PDE4D: variants seen among roughly 807,000 people sequenced by gnomAD.
PDE4D encodes the protein 3',5'-cyclic-AMP phosphodiesterase 4D.
PDE4D carries 24 observed loss-of-function variants against 87.4 expected under a neutral mutation model. That is an observed-to-expected ratio of 0.27 (90% CI 0.20 to 0.39). The LOEUF (loss-of-function observed/expected upper bound fraction) is 0.39. Ranked by LOEUF, PDE4D falls within the 10% of genes least tolerant of loss-of-function variation. The probability of loss-of-function intolerance (pLI) is 1.00; values close to 1 mark genes in which losing one functional copy is unlikely to be tolerated. For missense variants in PDE4D, 714 were observed against 1,041.0 expected (o/e 0.69, Z 4.32); for synonymous variants, 384 against 383.2 (o/e 1.00, Z -0.02).
intron 1 of PDE4D, among the ~76,000 whole-genome samples, chr5:59,637,011 C>G (rs148306423): frequency 6.6e-6 from 1 of 152,122 alleles, no homozygotes; most frequent in Non-Finnish European, 1.5e-5. Context: ...TGACAAAGGT[C>G]TAATATCCAG....
At chr5:59,460,279 A>C (rs1014748616) in intron 1 of PDE4D, among the ~76,000 whole-genome samples, 1 of 152,224 alleles carries the variant, frequency 6.6e-6, no homozygotes, top group African/African-American at 2.4e-5. Flanking sequence ...AAGTATAACA[A>C]ATTTTTAATG....
intron 1 of PDE4D, among the ~76,000 whole-genome samples, chr5:59,612,611 T>C (rs1268005007): frequency 6.6e-6 from 1 of 152,166 alleles, no homozygotes; most frequent in Non-Finnish European, 1.5e-5. Flanking sequence ...AAGGATTATA[T>C]GATAACAGTT....
chr5:60,290,616 C>T lies in PDE4D; in HGVS notation c.-89-104929G>A, dbSNP rs190544152. On this transcript the variant is annotated intron_variant, in intron 1 of 16. Transcript: ENST00000502484. ...CTTAGGAGTTTGAGACCAGCCTGGG[C>T]AACATAGTGAAATCCCATTTCCACT... Among the ~76,000 whole-genome samples the T allele has an allele frequency of 2.1e-3, 321 of 152,114 alleles. 1 individual carries two copies. Among genetic ancestry groups the T allele is most frequent in the Non-Finnish European group, 3.7e-3 (249 of 67,986 alleles).
At chr5:59,178,972 G>T (rs139461745) in intron 5 of PDE4D, among the ~76,000 whole-genome samples, 5 of 152,258 alleles carry the variant, frequency 3.3e-5, no homozygotes, top group African/African-American at 1.2e-4. Context: ...TTAGGAAAGT[G>T]CATAGAAACA....
chr5:60,138,200 T>C (rs989729568), intron 2 of PDE4D, among the ~76,000 whole-genome samples: 3 of 152,094 alleles, frequency 2.0e-5, no homozygotes, highest in Non-Finnish European at 4.4e-5. Flanking sequence ...CTGTAGCATG[T>C]AGTTTGAAGT....
At chr5:60,184,344 G>A (rs1333351666) in intron 2 of PDE4D, among the ~76,000 whole-genome samples, 1 of 151,960 alleles carries the variant, frequency 6.6e-6, no homozygotes, top group Non-Finnish European at 1.5e-5. Context: ...AGAAAACTCA[G>A]TAAGAGAAAG....
intron 1 of PDE4D, among the ~76,000 whole-genome samples, chr5:59,460,794 G>A (rs1321034268): frequency 6.6e-6 from 1 of 152,132 alleles, no homozygotes; most frequent in African/African-American, 2.4e-5. Context: ...AGGTTTATCT[G>A]TACCCCAACT....
chr5:59,938,438 G>T (rs1307831397), intron 3 of PDE4D, among the ~76,000 whole-genome samples: 3 of 152,224 alleles, frequency 2.0e-5, no homozygotes, highest in Non-Finnish European at 2.9e-5. Context: ...AACCAATACA[G>T]CCTGGAATTT....
intron 2 of PDE4D, among the ~76,000 whole-genome samples, chr5:60,086,834 C>T (rs1054297029): frequency 6.6e-6 from 1 of 152,218 alleles, no homozygotes; most frequent in Admixed American, 6.5e-5. Context: ...ATCTCAAAGA[C>T]TGGCATGCAG....
At chr5:59,966,755 A>C (rs1307480738) in intron 3 of PDE4D, among the ~76,000 whole-genome samples, 1 of 152,192 alleles carries the variant, frequency 6.6e-6, no homozygotes, top group South Asian at 2.1e-4. Context: ...TAAAGCAATA[A>C]TCTGTGGCAG....
At chr5:60,172,182 A>C in intron 2 of PDE4D, among the ~76,000 whole-genome samples, 1 of 148,394 alleles carries the variant, frequency 6.7e-6, no homozygotes, top group East Asian at 2.0e-4. Flanking sequence ...GTCCTCAATA[A>C]ATTTTGATCA....
chr5:58,988,596 G>A lies in PDE4D; in HGVS notation c.1453-4C>T. ...TCTCCAAATCTGTAAACACAGCCTG[G>A]AAAATCAGACAATATAGATAATATT... is the stretch of plus-strand genomic sequence containing the variant. On this transcript the variant is annotated splice_region_variant and splice_polypyrimidine_tract_variant and intron_variant, in intron 10 of 14. Transcript: ENST00000340635. 1 of 1,422,068 alleles carries A rather than the reference G, an allele frequency of 7.0e-7. No individual in the cohort carries two copies. Among genetic ancestry groups the A allele is most frequent in the East Asian group, 2.5e-5 (1 of 39,232 alleles). 88.1% of individuals were successfully genotyped at this position (1,422,068 alleles called of 1,614,324 possible). A position where few individuals can be genotyped will look rare whatever the true frequency, so the allele number is the denominator to read the frequency against.
intron 1 of PDE4D, among the ~76,000 whole-genome samples, chr5:60,251,995 C>T (rs1748523564): frequency 6.6e-6 from 1 of 151,848 alleles, no homozygotes; most frequent in South Asian, 2.1e-4. Context: ...TGCTTAGATA[C>T]AAAAATGCTT....
chr5:60,441,729 AC>A, intron 1 of PDE4D, among the ~76,000 whole-genome samples: 1 of 152,306 alleles, frequency 6.6e-6, no homozygotes, highest in South Asian at 2.1e-4. Flanking sequence ...AGGAACTTAA[AC>A]AAATTTACAA....
At chr5:60,150,071 C>CATACATA (rs1380784296) in intron 2 of PDE4D, among the ~76,000 whole-genome samples, 3 of 145,724 alleles carry the variant, frequency 2.1e-5, no homozygotes, top group African/African-American at 7.5e-5. Flanking sequence ...GTATATATGA[C>CATACATA]TAGTATATAG....
rs183167082 is a variant in PDE4D at position 59,281,158 on chromosome 5, T to C, written c.456-65190A>G. ...ATACACCTGCTATATTTAGAACTCTTCCATCTTCCAAAGTATGTTTTGGGC... is the reference window on the plus strand; with the variant it reads ...ATACACCTGCTATATTTAGAACTCTCCCATCTTCCAAAGTATGTTTTGGGC... On this transcript the variant is annotated intron_variant, in intron 1 of 14. Transcript: ENST00000340635. 3.6e-3 allele frequency among the ~76,000 whole-genome samples: 552 copies of C among 152,270 alleles called. 1 individual carries two copies. The highest frequency in any genetic ancestry group is 5.3e-3 in the Non-Finnish European group (357 of 67,994).
chr5:59,770,929 C>G (rs1763369235), intron 1 of PDE4D, among the ~76,000 whole-genome samples: 1 of 151,910 alleles, frequency 6.6e-6, no homozygotes. Context: ...CTCAGGAATT[C>G]AAGACTAGCC....
chr5:60,051,504 A>C (rs1446042410), intron 2 of PDE4D, among the ~76,000 whole-genome samples: 2 of 152,230 alleles, frequency 1.3e-5, no homozygotes, highest in Admixed American at 6.5e-5. Context: ...ACAAAGATAC[A>C]ATGTACCAGA....
intron 2 of PDE4D, among the ~76,000 whole-genome samples, chr5:60,185,247 A>G (rs1467354872): frequency 6.6e-6 from 1 of 152,096 alleles, no homozygotes; most frequent in African/African-American, 2.4e-5. Context: ...AATTCCCTAT[A>G]TTTTGACTTT....
Sources: gnomAD v4.1 joint callset for allele counts (sites outside exome capture counted in the v4.1 genomes callset) on GRCh38, gnomAD v4.1.1 for gene constraint, MANE v1.5 for transcripts, NCBI Gene and HGNC (gene_info 2026-07-23, HGNC 2026-07-21) for gene names.